The following RIF1 variants were observed in gnomAD, a reference collection of about 807,000 sequenced individuals.
The protein encoded by RIF1 is replication timing regulatory factor 1.
Under a neutral mutation model 247.1 loss-of-function variants are expected in RIF1, and 45 were observed. The observed-to-expected ratio is 0.18, with a 90% CI of 0.14 to 0.23. The LOEUF is 0.23. Among genes scored for constraint, RIF1 ranks in the 10% least tolerant of loss-of-function variants. The pLI is 1.00. For synonymous variants in RIF1, 1,087 were observed against 978.8 expected (o/e 1.11, Z -2.06); for missense variants, 2,967 against 2,862.5 (o/e 1.04, Z -0.83).
At chr2:151,428,733 T>G in intron 8 of RIF1, 51 bp from the exon 9 acceptor site, 3 of 1,403,114 alleles carry the variant, frequency 2.1e-6, no homozygotes, top group African/African-American at 2.8e-5. Flanking sequence ...ATAGCAATTA[T>G]TCTGTTTCAT....
chr2:151,412,530 C>T (rs145823243), intron 3 of RIF1, among the ~76,000 whole-genome samples: 6 of 152,168 alleles, frequency 3.9e-5, no homozygotes, highest in South Asian at 2.1e-4. Flanking sequence ...CTGTGTCGCC[C>T]GTGCTGGAGT....
chr2:151,444,935 G>T (rs566656700), intron 18 of RIF1, among the ~76,000 whole-genome samples: 2 of 152,268 alleles, frequency 1.3e-5, no homozygotes, highest in South Asian at 4.1e-4. Flanking sequence ...GGTAGGATTG[G>T]TTTCTCCTGG....
chr2:151,510,645 T>G (rs71350102), downstream of RIF1, among the ~76,000 whole-genome samples: 2,359 of 152,324 alleles, frequency 0.015, 40 homozygotes, highest in African/African-American at 0.033. Context: ...ATTGTTATAA[T>G]TGTTCTATTT....
At chr2:151,530,395 T>A in the RIF1 span, among the ~76,000 whole-genome samples, 1 of 152,080 alleles carries the variant, frequency 6.6e-6, no homozygotes, top group African/African-American at 2.4e-5. Flanking sequence ...AGGGCCTCGA[T>A]CTGGGCTTTT....
intron 24 of RIF1, 100 bp downstream of exon 24, chr2:151,458,063 C>A (rs1190011255): frequency 6.4e-6 from 5 of 777,390 alleles, no homozygotes; most frequent in Non-Finnish European, 1.0e-5. Flanking sequence ...GGTATTGTTA[C>A]AGAGGATTCC....
Position 151,411,261 on chromosome 2 carries a change from C to T in RIF1, c.106C>T (p.Arg36Cys). Residue 36 changes from arginine (R) to cysteine (C), a missense_variant and splice_region_variant, in exon 3 of 36, where the codon CGT (arginine) becomes TGT (cysteine). By Grantham distance (180) the Arg-to-Cys change is radical. Coordinates refer to ENST00000444746, the MANE Select transcript of RIF1 (RefSeq NM_018151.5). Reference protein sequence around the residue: ...QTDAYLTLTSRMTGEEGKEVI... With the variant: ...QTDAYLTLTSCMTGEEGKEVI... ...CTTGTGTTCTTCCTGCTTTTTAAGT[C>T]GTATGACTGGAGAAGAAGGAAAAGA... 3 of 1,578,038 alleles carry T rather than the reference C, an allele frequency of 1.9e-6. No homozygotes were observed. Among genetic ancestry groups the T allele is most frequent in the Non-Finnish European group, 2.6e-6 (3 of 1,158,656 alleles).
chr2:151,489,523 T>C (rs925373217), intron 9 of RIF1, among the ~76,000 whole-genome samples: 2 of 152,084 alleles, frequency 1.3e-5, no homozygotes, highest in African/African-American at 2.4e-5. Context: ...CTCAACTTCC[T>C]CAGTAGCTGG....
At chr2:151,460,547 A>C (rs1281072930) in intron 26 of RIF1, among the ~76,000 whole-genome samples, 1 of 152,078 alleles carries the variant, frequency 6.6e-6, no homozygotes, top group Non-Finnish European at 1.5e-5. Context: ...AGCTCATGCT[A>C]GTTGCCAGTT....
At chr2:151,518,466 C>T in the RIF1 span, 1 of 1,175,286 alleles carries the variant, frequency 8.5e-7, no homozygotes, top group Non-Finnish European at 1.3e-6. Flanking sequence ...GGAGAAGCTG[C>T]TCAGCATTCC....
rs1687292330 is a variant in RIF1, at chr2:151,416,813, A to G, written c.415A>G (p.Ser139Gly). The G allele has an allele frequency of 1.2e-6, 2 of 1,609,134 alleles. No homozygotes were observed. Among genetic ancestry groups the G allele is most frequent in the Non-Finnish European group, 1.7e-6 (2 of 1,177,384 alleles). The change falls in exon 6 of 36, where the codon AGT becomes GGT. Residue 139 changes from serine (S) to glycine (G), a missense_variant. Transcript: ENST00000444746. ...PSEVVGKMVS[S>G]IIDSLEILFN... Reference sequence around the variant, plus strand: ...TATTTGGTTCGTTTTTTAGGTATCCAGTATAATTGATTCATTAGAAATACT... The same window carrying G: ...TATTTGGTTCGTTTTTTAGGTATCCGGTATAATTGATTCATTAGAAATACT...
At chr2:151,531,124 G>T in the RIF1 span, 8 of 1,461,990 alleles carry the variant, frequency 5.5e-6, no homozygotes, top group Non-Finnish European at 7.6e-6. Flanking sequence ...AAAGCAGAAA[G>T]ACATCATGTC....
intron 20 of RIF1, 131 bp downstream of exon 20, chr2:151,446,706 C>G (rs1448297238): frequency 5.5e-6 from 5 of 906,634 alleles, no homozygotes; most frequent in Non-Finnish European, 8.7e-6. Context: ...ATACTGCAAA[C>G]AAGTATGCTT....
chr2:151,471,552 T>G (rs1296572133), intron 34 of RIF1, among the ~76,000 whole-genome samples: 1 of 152,174 alleles, frequency 6.6e-6, no homozygotes, highest in East Asian at 1.9e-4. Context: ...TTGTATAAGG[T>G]GTAAGGAAGG....
At chr2:151,410,783 A>T (rs1446713304) in intron 2 of RIF1, among the ~76,000 whole-genome samples, 5 of 152,058 alleles carry the variant, frequency 3.3e-5, no homozygotes, top group South Asian at 2.1e-4. Context: ...AGGGATTTTT[A>T]AAAGTTTCGG....
At chr2:151,489,854 CATTATATAAAATAG>C in intron 9 of RIF1, 1 of 619,308 alleles carries the variant, frequency 1.6e-6, no homozygotes. Flanking sequence ...AATAAAAGAG[CATTATATAAAATAG>C]AAGGTTTGGT....
At chr2:151,435,429 A>G (rs757561013) in intron 10 of RIF1, 34 bp from the exon 11 acceptor site, 14 of 1,175,534 alleles carry the variant, frequency 1.2e-5, no homozygotes, top group Non-Finnish European at 1.5e-5. Flanking sequence ...ACAGTTGTAT[A>G]GTTTATAGAT....
chr2:151,522,933 C>G, the RIF1 span, among the ~76,000 whole-genome samples: 8 of 152,154 alleles, frequency 5.3e-5, no homozygotes, highest in African/African-American at 1.9e-4. Flanking sequence ...GCTGTCAATC[C>G]GGAGACCAGC....
At chr2:151,527,548 T>C in the RIF1 span, 6 of 1,613,322 alleles carry the variant, frequency 3.7e-6, no homozygotes, top group Non-Finnish European at 5.1e-6. Context: ...CCACTTCCAG[T>C]GGGCTTTGTT....
chr2:151,490,312 T>C lies in RIF1; in HGVS notation c.*416-4917T>C, dbSNP rs539921062. ...GTTTTTGTACTCAAAGCATCTCTTATAGTAACCATCAATGAGCTGGCCGGG... is the reference window on the plus strand; with the variant it reads ...GTTTTTGTACTCAAAGCATCTCTTACAGTAACCATCAATGAGCTGGCCGGG... On this transcript the variant is annotated intron_variant and NMD_transcript_variant, in intron 9 of 13. Transcript: ENST00000454583. 1,124 of 1,550,742 alleles carry C rather than the reference T, an allele frequency of 7.2e-4. 2 individuals are homozygous for C. The highest frequency in any genetic ancestry group is 7.6e-4 in the Non-Finnish European group (871 of 1,143,848).
Sources: allele counts gnomAD v4.1 joint callset (sites outside exome capture counted in the v4.1 genomes callset), GRCh38; gene constraint gnomAD v4.1.1; transcripts MANE v1.5; gene names NCBI Gene and HGNC (gene_info 2026-07-23, HGNC 2026-07-21).